ARHGEF7: variants seen among roughly 807,000 people sequenced by gnomAD.
ARHGEF7 encodes Rho guanine nucleotide exchange factor 7.
In ARHGEF7, 33 loss-of-function variants were observed where a neutral mutation model predicts 109.8. The ratio of observed to expected loss-of-function variants is 0.30; its 90% CI spans 0.23 to 0.40. The LOEUF (loss-of-function observed/expected upper bound fraction) is 0.40. Among genes scored for constraint, ARHGEF7 ranks in the 10% least tolerant of loss-of-function variants. The probability of loss-of-function intolerance (pLI) is 1.00; values close to 1 mark genes in which losing one functional copy is unlikely to be tolerated. For synonymous variants in ARHGEF7, 458 were observed against 424.6 expected, an observed-to-expected ratio of 1.08 and a Z score of -0.97; for missense variants, 938 against 1,098.5, an observed-to-expected ratio of 0.85 and a Z score of 2.07.
At chr13:111,155,892 A>G (rs2076282058) in intron 2 of ARHGEF7, among the ~76,000 whole-genome samples, 1 of 152,112 alleles carries the variant, frequency 6.6e-6, no homozygotes, top group Admixed American at 6.5e-5. Flanking sequence ...CCTGGCCAAC[A>G]TGGTGAAACC....
intron 17 of ARHGEF7, among the ~76,000 whole-genome samples, chr13:111,288,076 A>G (rs1044453026): frequency 6.6e-6 from 1 of 152,048 alleles, no homozygotes; most frequent in African/African-American, 2.4e-5. Context: ...GAGAGTGGGG[A>G]TACTAATTTT....
intron 1 of ARHGEF7, among the ~76,000 whole-genome samples, chr13:111,148,180 G>A (rs976999111): frequency 3.3e-5 from 5 of 152,174 alleles, no homozygotes; most frequent in African/African-American, 4.8e-5. Context: ...CATCTGCCAT[G>A]GAGTCTAAGC....
In ARHGEF7 at chr13:111,135,951, T is replaced by C. The variant is rs867528221; in HGVS notation, c.166-17954T>C. ...GTGGGTTTGTCATAAATAGCTCTTA[T>C]TATTTTGAGATACGTCCCATCAATA... On this transcript the variant is annotated intron_variant, in intron 1 of 21. Coordinates refer to ENST00000646102, the MANE Select transcript of ARHGEF7 (RefSeq NM_001354046.2). Among the ~76,000 whole-genome samples the C allele has an allele frequency of 2.6e-4, 39 of 152,328 alleles. No homozygotes were observed. The Middle Eastern group carries it at 0.01, about 40-fold the overall frequency.
intron 3 of ARHGEF7, among the ~76,000 whole-genome samples, chr13:111,206,975 AG>A (rs67427429): frequency 0.39 from 46,530 of 118,366 alleles, 10,405 homozygotes; most frequent in South Asian, 0.51. Context: ...AAAAAAAAAA[AG>A]AAAAAGAAAA....
chr13:111,225,769 A>G (rs2085126874), intron 5 of ARHGEF7, among the ~76,000 whole-genome samples: 1 of 152,086 alleles, frequency 6.6e-6, no homozygotes, highest in African/African-American at 2.4e-5. Context: ...GTGTATTCTG[A>G]CTGCCCTACT....
At chr13:111,261,477 G>GA (rs1408438100) in intron 8 of ARHGEF7, among the ~76,000 whole-genome samples, 2 of 152,136 alleles carry the variant, frequency 1.3e-5, no homozygotes, top group East Asian at 3.8e-4. Flanking sequence ...AGTATTATTA[G>GA]AACTAAAGAT....
intron 2 of ARHGEF7, among the ~76,000 whole-genome samples, chr13:111,161,857 C>T (rs1273054953): frequency 1.3e-5 from 2 of 152,048 alleles, no homozygotes; most frequent in Non-Finnish European, 2.9e-5. Flanking sequence ...AGTCTTTTCC[C>T]ATGTTAAATA....
chr13:111,149,025 A>G (rs1234471704), intron 1 of ARHGEF7, among the ~76,000 whole-genome samples: 4 of 152,206 alleles, frequency 2.6e-5, no homozygotes, highest in Non-Finnish European at 5.9e-5. Flanking sequence ...AAAACAAGCG[A>G]TGCTGGGCCA....
intron 19 of ARHGEF7, chr13:111,293,975 A>G (rs1208366392): frequency 2.0e-6 from 2 of 985,478 alleles, no homozygotes; most frequent in Non-Finnish European, 2.4e-6. Flanking sequence ...CTAATGGCAC[A>G]GGAGACATCA....
chr13:111,199,932 C>T (rs1344985237), intron 2 of ARHGEF7, among the ~76,000 whole-genome samples: 1 of 152,158 alleles, frequency 6.6e-6, no homozygotes, highest in Non-Finnish European at 1.5e-5. Flanking sequence ...TGCATGGGCT[C>T]ACCCCTCTTC....
At chr13:111,201,284 G>C (rs190539375) in intron 2 of ARHGEF7, among the ~76,000 whole-genome samples, 3 of 152,228 alleles carry the variant, frequency 2.0e-5, no homozygotes, top group Admixed American at 6.5e-5. Context: ...TGCCCAAATC[G>C]CTTTATATAT....
chr13:111,289,565 G>T (rs2093185734), intron 18 of ARHGEF7, among the ~76,000 whole-genome samples: 1 of 152,216 alleles, frequency 6.6e-6, no homozygotes, highest in South Asian at 2.1e-4. Flanking sequence ...TCAAATTTAG[G>T]ACTTGGTGCC....
chr13:111,250,863 G>T (rs1250580075), intron 8 of ARHGEF7, among the ~76,000 whole-genome samples: 1 of 152,214 alleles, frequency 6.6e-6, no homozygotes, highest in Non-Finnish European at 1.5e-5. Flanking sequence ...GAAGAAAGAT[G>T]TAGGGTAAGG....
chr13:111,117,891 T>C (rs971127836), intron 1 of ARHGEF7, among the ~76,000 whole-genome samples: 1 of 152,232 alleles, frequency 6.6e-6, no homozygotes, highest in African/African-American at 2.4e-5. Flanking sequence ...GTTTTCATGC[T>C]TACCAGATAA....
At position 111,115,396 on chromosome 13, in the gene ARHGEF7, C is replaced by A; in HGVS notation, c.-131C>A. On this transcript the variant is annotated 5_prime_UTR_variant, in exon 1 of 22. Coordinates refer to ENST00000646102, the MANE Select transcript of ARHGEF7 (RefSeq NM_001354046.2). ...GGGCCGGGCCGGACCTGCTGGGCCG[C>A]GCCGAGCCAATCGCCGGCGCCGGCC... 1 of 573,386 alleles carries A rather than the reference C, an allele frequency of 1.7e-6. No homozygotes were observed. The highest frequency in any genetic ancestry group is 2.2e-6 in the Non-Finnish European group (1 of 456,526). The allele number at this position is 573,386 out of a possible 1,614,324, so 35.5% of individuals were successfully genotyped here.
intron 17 of ARHGEF7, among the ~76,000 whole-genome samples, chr13:111,287,643 G>A (rs149412810): frequency 1.6e-3 from 237 of 152,328 alleles, no homozygotes; most frequent in African/African-American, 5.4e-3. Flanking sequence ...AGCCTCCTGG[G>A]GCTGAGGAAG....
intron 19 of ARHGEF7, 151 bp downstream of exon 19, chr13:111,292,445 G>A (rs978300878): frequency 1.9e-5 from 27 of 1,457,026 alleles, no homozygotes; most frequent in South Asian, 4.4e-5. Flanking sequence ...ACTTTTGAGA[G>A]TGTTCCTGAT....
At chr13:111,265,446 T>A in intron 8 of ARHGEF7, 2 of 391,222 alleles carry the variant, frequency 5.1e-6, no homozygotes, top group South Asian at 3.7e-5. Context: ...TCCTAATACT[T>A]GTGACTTGCT....
At chr13:111,190,279 T>A (rs2079723731) in intron 2 of ARHGEF7, among the ~76,000 whole-genome samples, 2 of 152,214 alleles carry the variant, frequency 1.3e-5, no homozygotes, top group African/African-American at 4.8e-5. Flanking sequence ...AGAAGCCATG[T>A]TGCCCAACTC....
Sources: allele counts gnomAD v4.1 joint callset (sites outside exome capture counted in the v4.1 genomes callset), GRCh38; gene constraint gnomAD v4.1.1; transcripts MANE v1.5; gene names NCBI Gene and HGNC (gene_info 2026-07-23, HGNC 2026-07-21).